CA5A: variants seen among roughly 807,000 people sequenced by gnomAD.
CA5A encodes carbonic anhydrase 5A, mitochondrial.
A neutral mutation model predicts 37.1 loss-of-function variants in CA5A; 28 were observed. The observed-to-expected ratio is 0.75, with a 90% CI of 0.56 to 1.03. The LOEUF is 1.03. CA5A is among the 50% of genes least tolerant of loss of function. The pLI, the probability that CA5A is intolerant of heterozygous loss-of-function variation, is 0.00. For synonymous variants in CA5A, 171 were observed against 158.4 expected, an observed-to-expected ratio of 1.08 and a Z score of -0.60; for missense variants, 444 against 399.9, an observed-to-expected ratio of 1.11 and a Z score of -0.94.
chr16:87,897,076 A>C (rs2055813503), intron 5 of CA5A, among the ~76,000 whole-genome samples: 1 of 152,222 alleles, frequency 6.6e-6, no homozygotes, highest in South Asian at 2.1e-4. Flanking sequence ...GGTGGCGGTA[A>C]TGGGCTTCCA....
intron 2 of CA5A, among the ~76,000 whole-genome samples, chr16:87,917,530 AC>A (rs1198044029): frequency 6.6e-6 from 1 of 152,206 alleles, no homozygotes; most frequent in East Asian, 1.9e-4. Context: ...AAATATTCAC[AC>A]CCAGGCCTGA....
rs533057507 is a variant in CA5A, at chr16:87,902,386, C to G, written c.555+39G>C. 68 of 1,184,502 alleles carry G rather than the reference C, an allele frequency of 5.7e-5. 2 individuals carry two copies. The South Asian group carries it at 7.9e-4, about 14-fold the overall frequency. The allele number at this position is 1,184,502 out of a possible 1,614,324, so 73.4% of individuals were successfully genotyped here. Reference sequence around the variant, plus strand: ...AAAAGCAATCCTAATGATGGATCACCACTTTCTTCATTAGATCTACACCCG... The same window carrying G: ...AAAAGCAATCCTAATGATGGATCACGACTTTCTTCATTAGATCTACACCCG... On this transcript the variant is annotated intron_variant, in intron 4 of 6. Coordinates refer to ENST00000649794, the MANE Select transcript of CA5A (RefSeq NM_001739.2).
chr16:87,936,238 T>C, intron 1 of CA5A, 71 bp downstream of exon 1: 1 of 1,028,088 alleles, frequency 9.7e-7, no homozygotes, highest in Non-Finnish European at 1.5e-6. Context: ...CTCTCCTCTC[T>C]CCTCTCGAAA....
chr16:87,926,882 A>G lies in CA5A; in HGVS notation c.206T>C (p.Ile69Thr). 6.2e-7 allele frequency: 1 copy of G among 1,611,840 alleles called. No homozygotes were observed. Among genetic ancestry groups the G allele is most frequent in the South Asian group, 1.1e-5 (1 of 90,684 alleles). ...GTCATAGACGCTGTCCCTCCACTGG[A>G]TGTTAATAGGAGACTGCCGGGTGCC... ...PGGTRQSPIN[I>T]QWRDSVYDPQ... The change falls in exon 2 of 7, where the codon ATC becomes ACC. Residue 69 changes from isoleucine (I) to threonine (T), a missense_variant. Transcript: ENST00000649794.
intron 5 of CA5A, among the ~76,000 whole-genome samples, chr16:87,897,115 C>T (rs1965086022): frequency 6.6e-6 from 1 of 152,240 alleles, no homozygotes; most frequent in Admixed American, 6.5e-5. Context: ...GCGTGGGGCT[C>T]AGTAGGTGCT....
intron 1 of CA5A, among the ~76,000 whole-genome samples, chr16:87,932,181 T>C (rs1005986548): frequency 6.6e-6 from 1 of 151,476 alleles, no homozygotes; most frequent in African/African-American, 2.4e-5. Context: ...CAGGATTGAG[T>C]GCACTCTACC....
chr16:87,892,174 G>C (rs777330437), intron 5 of CA5A: 64 of 458,612 alleles, frequency 1.4e-4, no homozygotes, highest in African/African-American at 1.2e-3. Flanking sequence ...TGGGAATTAC[G>C]TTACATTACA....
Position 87,911,046 on chromosome 16 carries a change from G to T in CA5A, c.341-6142C>A, listed in dbSNP as rs1597565858. 6.8e-6 allele frequency among the ~76,000 whole-genome samples: 1 copy of T among 146,874 alleles called. No homozygotes were observed. Among genetic ancestry groups the T allele is most frequent in the Admixed American group, 7.0e-5 (1 of 14,364 alleles). ...TTACAAGCATGAGCCACTGTGCCCA[G>T]CCTAAAGTGACTTTTCATAATGACA... On this transcript the variant is annotated intron_variant, in intron 2 of 6. Coordinates refer to ENST00000649794, the MANE Select transcript of CA5A (RefSeq NM_001739.2). The surrounding 1 kb of genome is among the most constrained non-coding windows in gnomAD (Gnocchi z 4.6).
At chr16:87,892,049 A>G (rs747474850) in intron 5 of CA5A, 95 bp from the exon 6 acceptor site, 47 of 1,206,800 alleles carry the variant, frequency 3.9e-5, no homozygotes, top group Non-Finnish European at 5.2e-5. Context: ...GGTGCTTGGA[A>G]GGAAGTGCTT....
chr16:87,892,556 A>AATAATAAAT (rs1303452843), intron 5 of CA5A, among the ~76,000 whole-genome samples: 1 of 136,788 alleles, frequency 7.3e-6, no homozygotes, highest in Non-Finnish European at 1.6e-5. Context: ...TAATAATAAT[A>AATAATAAAT]AATTAATTAA....
intron 2 of CA5A, among the ~76,000 whole-genome samples, chr16:87,914,702 G>A (rs1300820976): frequency 6.6e-6 from 1 of 152,094 alleles, no homozygotes; most frequent in East Asian, 1.9e-4. Flanking sequence ...GAGGGAGGAC[G>A]TGGGGGCGGG....
At chr16:87,886,575 G>A (rs57798543), downstream of CA5A, 26,464 of 152,038 alleles carry the variant, frequency 0.17, 2,464 homozygotes, top group South Asian at 0.27. Flanking sequence ...CCGTTGGCTC[G>A]GTGGGGTGGC....
At position 87,893,284 on chromosome 16, in the gene CA5A, C is replaced by T. The variant is rs372225560; in HGVS notation, c.619-1330G>A. On this transcript the variant is annotated intron_variant, in intron 5 of 6. Transcript: ENST00000649794. ...CTGGGACTACATCTTCACGCCATCG[C>T]GACCAGCTAATTTTTTATATTTTTA... 554 of 368,388 alleles carry T rather than the reference C, an allele frequency of 1.5e-3. 6 individuals are homozygous for T. The highest frequency in any genetic ancestry group is 9.6e-3 in the South Asian group (313 of 32,442). The allele number at this position is 368,388 out of a possible 1,614,324, so 22.8% of individuals were successfully genotyped here.
chr16:87,888,919 A>AGTTTT (rs2055675275), intron 6 of CA5A, among the ~76,000 whole-genome samples: 1 of 136,134 alleles, frequency 7.3e-6, no homozygotes, highest in Admixed American at 7.5e-5. Flanking sequence ...CGCCCGGCTA[A>AGTTTT]TTTTTTTTTT....
At chr16:87,898,048 C>T (rs940333206) in intron 5 of CA5A, among the ~76,000 whole-genome samples, 1 of 152,186 alleles carries the variant, frequency 6.6e-6, no homozygotes, top group African/African-American at 2.4e-5. Flanking sequence ...TCTGGAAATG[C>T]ACCCTTGGAG....
At chr16:87,888,651 C>T (rs1170415124) in intron 6 of CA5A, among the ~76,000 whole-genome samples, 1 of 152,214 alleles carries the variant, frequency 6.6e-6, no homozygotes, top group Admixed American at 6.5e-5. Flanking sequence ...CAGATTGCTA[C>T]AGTCCCAGCT....
At chr16:87,907,164 G>A (rs2055973581) in intron 2 of CA5A, among the ~76,000 whole-genome samples, 1 of 152,164 alleles carries the variant, frequency 6.6e-6, no homozygotes, top group Non-Finnish European at 1.5e-5. Context: ...GTTGCAGTGA[G>A]CCGAGATTGC....
At chr16:87,917,756 TAC>T (rs72485330) in intron 2 of CA5A, among the ~76,000 whole-genome samples, 1 of 101,222 alleles carries the variant, frequency 9.9e-6, no homozygotes, top group East Asian at 3.7e-4. Flanking sequence ...CACACATGTA[TAC>T]ACAGTGCACA....
rs78497660 is a variant in CA5A, at chr16:87,894,207, T to C, written c.619-2253A>G. On this transcript the variant is annotated intron_variant, in intron 5 of 6. Coordinates refer to ENST00000649794, the MANE Select transcript of CA5A (RefSeq NM_001739.2). ...GCCGTGGCATGATCTCAGCTCACGG[T>C]GGTTGGGCCTGGCCGCAACACAGCC... is the stretch of plus-strand genomic sequence containing the variant. Among the ~76,000 whole-genome samples, 8 of 152,192 alleles carry C rather than the reference T, an allele frequency of 5.3e-5. No individual in the cohort carries two copies. In the South Asian group the frequency reaches 1.2e-3, roughly 24 times the overall value.
Sources: allele counts gnomAD v4.1 joint callset (sites outside exome capture counted in the v4.1 genomes callset), GRCh38; gene constraint gnomAD v4.1.1; non-coding constraint Gnocchi (gnomAD v3.1); transcripts MANE v1.5; gene names NCBI Gene and HGNC (gene_info 2026-07-23, HGNC 2026-07-21).